The following PPP2R2C variants were observed in gnomAD, a reference collection of about 807,000 sequenced individuals.
PPP2R2C encodes the protein protein phosphatase 2, regulatory subunit B, gamma.
PPP2R2C carries 10 observed loss-of-function variants against 45.3 expected under a neutral mutation model. That is an observed-to-expected ratio of 0.22 (90% confidence interval 0.14 to 0.37). The LOEUF (loss-of-function observed/expected upper bound fraction) is 0.37, where lower values mean the gene tolerates loss of function less well. Among genes scored for constraint, PPP2R2C ranks in the 10% least tolerant of loss-of-function variants. The pLI, the probability that PPP2R2C is intolerant of heterozygous loss-of-function variation, is 1.00. For missense variants in PPP2R2C, 308 were observed against 619.7 expected, an observed-to-expected ratio of 0.50 and a Z score of 5.34; for synonymous variants, 257 against 245.4, an observed-to-expected ratio of 1.05 and a Z score of -0.44.
intron 1 of PPP2R2C, among the ~76,000 whole-genome samples, chr4:6,456,683 G>A (rs1721056871): frequency 6.6e-6 from 1 of 152,200 alleles, no homozygotes; most frequent in Non-Finnish European, 1.5e-5. Flanking sequence ...GGAGCTCTGG[G>A]TGCCCCTCAC....
In PPP2R2C at chr4:6,332,587, C is replaced by T. The variant is rs1441506346; in HGVS notation, c.960+975G>A. On this transcript the variant is annotated intron_variant, in intron 7 of 8. Transcript: ENST00000382599. The surrounding 1 kb of genome is among the most constrained non-coding windows in gnomAD (Gnocchi z 4.9). ...GACGCTTTCCTACTAGGTCTTCGCA[C>T]GGAGGAAAGGAAAGCGTAGGGCTCT... 1.3e-5 allele frequency among the ~76,000 whole-genome samples: 2 copies of T among 152,168 alleles called. No individual in the cohort carries two copies. The highest frequency in any genetic ancestry group is 2.4e-5 in the African/African-American group (1 of 41,440).
chr4:6,410,854 TTTA>T (rs1718132878), intron 1 of PPP2R2C, among the ~76,000 whole-genome samples: 2 of 141,158 alleles, frequency 1.4e-5, no homozygotes. Flanking sequence ...TATTTATTTA[TTTA>T]TTTATTTATT....
At chr4:6,335,643 C>A (rs924507556) in intron 6 of PPP2R2C, among the ~76,000 whole-genome samples, 2 of 151,930 alleles carry the variant, frequency 1.3e-5, no homozygotes, top group South Asian at 2.1e-4. Flanking sequence ...AGTCCCCTCC[C>A]GACGGAGGAA....
intron 2 of PPP2R2C, among the ~76,000 whole-genome samples, chr4:6,534,240 C>T (rs1406324377): frequency 1.3e-5 from 2 of 150,464 alleles, no homozygotes; most frequent in Admixed American, 6.6e-5. Flanking sequence ...CACACCAACA[C>T]ACATACACAC....
At chr4:6,461,205 C>A (rs1241382405) in intron 1 of PPP2R2C, among the ~76,000 whole-genome samples, 1 of 152,214 alleles carries the variant, frequency 6.6e-6, no homozygotes, top group Non-Finnish European at 1.5e-5. Flanking sequence ...CAGCACCGTG[C>A]ACGTGTGGAC....
At chr4:6,399,193 C>T (rs1717251527) in intron 1 of PPP2R2C, among the ~76,000 whole-genome samples, 1 of 152,260 alleles carries the variant, frequency 6.6e-6, no homozygotes, top group East Asian at 1.9e-4. Flanking sequence ...ATATACATAG[C>T]TTGCCAATTC....
chr4:6,334,615 T>A (rs2109178811), intron 6 of PPP2R2C, among the ~76,000 whole-genome samples: 1 of 152,250 alleles, frequency 6.6e-6, no homozygotes, highest in East Asian at 1.9e-4. Flanking sequence ...CTAGGACCCC[T>A]GTTGGGCCAG....
rs1445891609 is a variant in PPP2R2C at position 6,471,637 on chromosome 4, G to A, written c.70+523C>T. ...CAGGGACCCTGCCTCTGGAGGACAG[G>A]GAGGGGCCCGGGCAGGCGGGCCTCC... is the stretch of plus-strand genomic sequence containing the variant. On this transcript the variant is annotated intron_variant, in intron 1 of 8. Transcript: ENST00000382599. The surrounding 1 kb of genome is among the most constrained non-coding windows in gnomAD (Gnocchi z 5.6). 6.5e-6 allele frequency: 1 copy of A among 153,364 alleles called. No individual in the cohort carries two copies. The highest frequency in any genetic ancestry group is 1.5e-5 in the Non-Finnish European group (1 of 68,802). The allele number at this position is 153,364 out of a possible 1,614,324, so 9.5% of individuals were successfully genotyped here.
chr4:6,546,550 T>C (rs79477066), intron 1 of PPP2R2C, among the ~76,000 whole-genome samples: 3,111 of 152,310 alleles, frequency 0.02, 87 homozygotes, highest in African/African-American at 0.07. Flanking sequence ...TGGTAGATTC[T>C]GACAAAGCCT....
intron 1 of PPP2R2C, among the ~76,000 whole-genome samples, chr4:6,392,185 T>C (rs762846724): frequency 1.3e-5 from 2 of 152,282 alleles, no homozygotes; most frequent in African/African-American, 2.4e-5. Context: ...CATTTAAAAA[T>C]GGTTCAGATG....
At chr4:6,348,126 CCT>C in intron 5 of PPP2R2C, 116 bp from the exon 6 acceptor site, 1 of 1,203,892 alleles carries the variant, frequency 8.3e-7, no homozygotes, top group Non-Finnish European at 1.2e-6. Context: ...GTCTGAGCTG[CCT>C]CTCTGTTCCT....
chr4:6,462,501 A>C (rs1721379874), intron 1 of PPP2R2C, among the ~76,000 whole-genome samples: 1 of 151,758 alleles, frequency 6.6e-6, no homozygotes. Context: ...ATAAAATAAT[A>C]ACAAATGTCT....
intron 1 of PPP2R2C, among the ~76,000 whole-genome samples, chr4:6,399,753 A>G (rs1037483928): frequency 6.6e-6 from 1 of 152,174 alleles, no homozygotes; most frequent in Non-Finnish European, 1.5e-5. Context: ...GACCGTTTAG[A>G]TGTGGCATTA....
intron 2 of PPP2R2C, among the ~76,000 whole-genome samples, chr4:6,478,924 T>G (rs1722258048): frequency 6.6e-6 from 1 of 152,190 alleles, no homozygotes; most frequent in Admixed American, 6.5e-5. Context: ...GAGCTCACTC[T>G]ACAGCGTCGC....
intron 1 of PPP2R2C, among the ~76,000 whole-genome samples, chr4:6,435,916 G>T (rs2109418546): frequency 6.6e-6 from 1 of 152,276 alleles, no homozygotes; most frequent in South Asian, 2.1e-4. Context: ...CTGAATGTGT[G>T]TCCCCCCGAA....
At chr4:6,398,350 G>T (rs1266751337) in intron 1 of PPP2R2C, among the ~76,000 whole-genome samples, 1 of 152,066 alleles carries the variant, frequency 6.6e-6, no homozygotes, top group South Asian at 2.1e-4. Flanking sequence ...CGTAGTACAT[G>T]TATCTAGTAA....
At chr4:6,421,554 G>A (rs897972919) in intron 1 of PPP2R2C, among the ~76,000 whole-genome samples, 3 of 152,156 alleles carry the variant, frequency 2.0e-5, no homozygotes, top group African/African-American at 7.2e-5. Context: ...CAGCCAAAAT[G>A]GCGGCCGTGA....
chr4:6,465,655 A>T lies in PPP2R2C; in HGVS notation c.70+6505T>A, dbSNP rs201438028. On this transcript the variant is annotated intron_variant, in intron 1 of 8. Coordinates refer to ENST00000382599, the MANE Select transcript of PPP2R2C (RefSeq NM_020416.4). ...TGCTATTTAATGTCAATTCAAATTT[A>T]AAAAAAAAAAAGCTTAAACTCTTAG... 5.5e-4 allele frequency among the ~76,000 whole-genome samples: 52 copies of T among 95,172 alleles called. No individual in the cohort carries two copies. In the East Asian group the frequency reaches 6.8e-3, roughly 12 times the overall value. The allele number at this position is 95,172 out of a possible 152,430, so 62.4% of individuals were successfully genotyped here.
chr4:6,480,653 G>A (rs1193831034), intron 2 of PPP2R2C, among the ~76,000 whole-genome samples: 1 of 152,226 alleles, frequency 6.6e-6, no homozygotes, highest in African/African-American at 2.4e-5. Context: ...ATAGCCTGCA[G>A]TGTAAAGGTT....
Sources: allele counts gnomAD v4.1 joint callset (sites outside exome capture counted in the v4.1 genomes callset), GRCh38; gene constraint gnomAD v4.1.1; non-coding constraint Gnocchi (gnomAD v3.1); transcripts MANE v1.5; gene names NCBI Gene and HGNC (gene_info 2026-07-23, HGNC 2026-07-21).